The following NECTIN1 variants were observed in gnomAD, a reference collection of about 807,000 sequenced individuals.
The protein encoded by NECTIN1 is nectin cell adhesion molecule 1.
A neutral mutation model predicts 48.0 loss-of-function variants in NECTIN1; 23 were observed. The ratio of observed to expected loss-of-function variants is 0.48; its 90% CI spans 0.34 to 0.68. The LOEUF is 0.68. Ranked by LOEUF, NECTIN1 falls within the 30% of genes least tolerant of loss-of-function variation. The pLI is 0.01. For missense variants in NECTIN1, 591 were observed against 709.9 expected (o/e 0.83, Z 1.90); for synonymous variants, 270 against 288.9 (o/e 0.93, Z 0.66).
intron 5 of NECTIN1, chr11:119,640,430 C>A: frequency 4.3e-6 from 1 of 231,146 alleles, no homozygotes. Context: ...GTGCTTCACC[C>A]TCCCAGCTTG....
Position 119,677,652 on chromosome 11 carries a change from G to T in NECTIN1, c.636C>A (p.Arg212=). 1 of 1,614,090 alleles carries T rather than the reference G, an allele frequency of 6.2e-7. No homozygotes were observed. Among genetic ancestry groups the T allele is most frequent in the Non-Finnish European group, 8.5e-7 (1 of 1,180,008 alleles). Residue 212 remains arginine, a synonymous_variant, in exon 3 of 6, where the codon CGC becomes CGA. Coordinates refer to ENST00000264025, the MANE Select transcript of NECTIN1 (RefSeq NM_002855.5). The surrounding 1 kb of genome is among the most constrained non-coding windows in gnomAD (Gnocchi z 5.4). ...NGTVTVISRY[R]LVPSREAHQQ... ...GGTGGGCTTCCCTGCTGGGCACCAG[G>T]CGGTAGCGGCTGATGACCGTCACTG... is the stretch of plus-strand genomic sequence containing the variant.
chr11:119,687,852 C>T (rs1198095727), intron 1 of NECTIN1, among the ~76,000 whole-genome samples: 1 of 152,222 alleles, frequency 6.6e-6, no homozygotes, highest in Non-Finnish European at 1.5e-5. Flanking sequence ...CTCCCGATGC[C>T]CTGTCCAGCT....
chr11:119,638,847 A>T, intron 6 of NECTIN1: 1 of 1,551,316 alleles, frequency 6.4e-7, no homozygotes, highest in Non-Finnish European at 8.9e-7. Context: ...AGGAGCACAC[A>T]TGGGGGCTCT....
chr11:119,704,820 C>T (rs549267836), intron 1 of NECTIN1, among the ~76,000 whole-genome samples: 82 of 152,318 alleles, frequency 5.4e-4, no homozygotes, highest in Non-Finnish European at 8.5e-4. Flanking sequence ...GCCATGACTG[C>T]GCACGCCAGG....
intron 1 of NECTIN1, among the ~76,000 whole-genome samples, chr11:119,697,980 C>G (rs1224793064): frequency 1.7e-4 from 26 of 152,226 alleles, no homozygotes; most frequent in Admixed American, 1.7e-3. Context: ...TTACCAGGGA[C>G]AGGGAAGGGG....
rs144040298 is a variant in NECTIN1, at chr11:119,678,971, G to A, written c.80-206C>T. ...AGTGACAACATCCCATGATCCTTCC[G>A]CTCAGGATAATCTTGAAGGATCTAT... is the stretch of plus-strand genomic sequence containing the variant. On this transcript the variant is annotated intron_variant, in intron 1 of 5. Coordinates refer to ENST00000264025, the MANE Select transcript of NECTIN1 (RefSeq NM_002855.5). The surrounding 1 kb of genome is among the most constrained non-coding windows in gnomAD (Gnocchi z 4.4). Among the ~76,000 whole-genome samples, 177 of 152,260 alleles carry A rather than the reference G, an allele frequency of 1.2e-3. No individual in the cohort carries two copies. The highest frequency in any genetic ancestry group is 4.0e-3 in the African/African-American group (168 of 41,550).
intron 1 of NECTIN1, among the ~76,000 whole-genome samples, chr11:119,705,957 CGGGGA>C (rs200236858): frequency 0.014 from 2,156 of 151,612 alleles, 54 homozygotes; most frequent in African/African-American, 0.05. Flanking sequence ...GAGAGGGAGG[CGGGGA>C]GGGGCGGGGC....
Position 119,724,407 on chromosome 11 carries a change from C to T in NECTIN1, c.79+4068G>A, listed in dbSNP as rs543695471. Among the ~76,000 whole-genome samples, 4 of 152,018 alleles carry T rather than the reference C, an allele frequency of 2.6e-5. No individual in the cohort carries two copies. The East Asian group carries it at 5.8e-4, about 22-fold the overall frequency. The stretch of plus-strand genomic sequence containing the variant: ...GGTCAAGGTCTTCAGCATCTCCCTG[C>T]GAGCAGGCAGAGGCCCAGTCTAAAG... On this transcript the variant is annotated intron_variant, in intron 1 of 5. Transcript: ENST00000264025.
At chr11:119,642,964 G>A (rs920150498) in intron 5 of NECTIN1, 3 of 153,692 alleles carry the variant, frequency 2.0e-5, no homozygotes, top group Non-Finnish European at 4.4e-5. Context: ...CCCATGGATG[G>A]ATACAGAGGG....
At chr11:119,699,233 C>G (rs141372180) in intron 1 of NECTIN1, among the ~76,000 whole-genome samples, 1 of 152,304 alleles carries the variant, frequency 6.6e-6, no homozygotes, top group Non-Finnish European at 1.5e-5. Context: ...TGTGATGAGC[C>G]CTAAGGATGC....
chr11:119,708,136 G>A (rs1029222151), intron 1 of NECTIN1, among the ~76,000 whole-genome samples: 10 of 152,166 alleles, frequency 6.6e-5, no homozygotes, highest in Non-Finnish European at 4.4e-5. Flanking sequence ...TGACGGAGGC[G>A]CCACAGAAGA....
chr11:119,655,103 G>C (rs11605701), intron 5 of NECTIN1, among the ~76,000 whole-genome samples: 6,693 of 151,334 alleles, frequency 0.044, 504 homozygotes, highest in African/African-American at 0.15. Flanking sequence ...TGGAGATGGG[G>C]TTTCACCATG....
intron 5 of NECTIN1, among the ~76,000 whole-genome samples, chr11:119,647,185 G>C: frequency 8.4e-6 from 1 of 118,800 alleles, no homozygotes; most frequent in South Asian, 4.0e-4. Context: ...GTGTGTGTGT[G>C]TGTGTGTGTG....
At chr11:119,712,199 A>AAGTG (rs1565401355) in intron 1 of NECTIN1, among the ~76,000 whole-genome samples, 2 of 152,172 alleles carry the variant, frequency 1.3e-5, no homozygotes, top group Non-Finnish European at 2.9e-5. Context: ...CCCAGTCCAC[A>AAGTG]GGCTGCGGAG....
intron 5 of NECTIN1, among the ~76,000 whole-genome samples, chr11:119,652,299 T>G (rs1864504814): frequency 1.3e-5 from 2 of 152,144 alleles, no homozygotes; most frequent in Non-Finnish European, 2.9e-5. Flanking sequence ...CGACTCCTGT[T>G]TCCTGATGGC....
chr11:119,656,940 C>T (rs1308527239), downstream of NECTIN1, among the ~76,000 whole-genome samples: 3 of 152,182 alleles, frequency 2.0e-5, no homozygotes, highest in Non-Finnish European at 4.4e-5. Context: ...TCCCTCTTCC[C>T]CTTCTGACAG....
rs1743372015 is a variant in NECTIN1 at position 119,678,282 on chromosome 11, G to A, written c.430+133C>T. The stretch of plus-strand genomic sequence containing the variant: ...GTGGCCTGGCTAGAAGGGACTGGAA[G>A]CCTCATGCCTAGAATGATGGCAGCA... On this transcript the variant is annotated intron_variant, in intron 2 of 5. Transcript: ENST00000264025. This position sits in a 1 kb window ranked among gnomAD's most constrained non-coding sequence, Gnocchi z 4.4. The A allele has an allele frequency of 1.2e-6, 1 of 864,136 alleles. No homozygotes were observed. The highest frequency in any genetic ancestry group is 1.6e-5 in the African/African-American group (1 of 61,012). The allele number at this position is 864,136 out of a possible 1,614,324, so 53.5% of individuals were successfully genotyped here.
chr11:119,713,306 G>A (rs895785615), intron 1 of NECTIN1, among the ~76,000 whole-genome samples: 10 of 152,168 alleles, frequency 6.6e-5, no homozygotes, highest in African/African-American at 2.4e-4. Flanking sequence ...AGGTGTGGGG[G>A]CTTCTTTTCT....
chr11:119,691,964 C>A (rs1027789902), intron 1 of NECTIN1, among the ~76,000 whole-genome samples: 2 of 152,172 alleles, frequency 1.3e-5, no homozygotes, highest in African/African-American at 2.4e-5. Context: ...CTTCTTCCTG[C>A]CCCGCCGGGC....
Sources: allele counts gnomAD v4.1 joint callset (sites outside exome capture counted in the v4.1 genomes callset), GRCh38; gene constraint gnomAD v4.1.1; non-coding constraint Gnocchi (gnomAD v3.1); transcripts MANE v1.5; gene names NCBI Gene and HGNC (gene_info 2026-07-23, HGNC 2026-07-21).